RBFOX3: variants seen among roughly 807,000 people sequenced by gnomAD.
RBFOX3 encodes RNA binding fox-1 homolog 3.
Under a neutral mutation model 48.7 loss-of-function variants are expected in RBFOX3, and 17 were observed. The ratio of observed to expected loss-of-function variants is 0.35; its 90% CI spans 0.24 to 0.52. The LOEUF (loss-of-function observed/expected upper bound fraction) is 0.52, where lower values mean the gene tolerates loss of function less well. RBFOX3 is among the 20% of genes least tolerant of loss of function. RBFOX3 has a pLI of 0.94. For missense variants in RBFOX3, 382 were observed against 497.5 expected (o/e 0.77, Z 2.21); for synonymous variants, 212 against 209.5 (o/e 1.01, Z -0.10).
upstream of RBFOX3, among the ~76,000 whole-genome samples, chr17:79,615,351 A>T (rs919551754): frequency 6.6e-6 from 1 of 152,160 alleles, no homozygotes; most frequent in Non-Finnish European, 1.5e-5. Flanking sequence ...AAGGGTGTAA[A>T]GCATGAAAGA....
intron 4 of RBFOX3, among the ~76,000 whole-genome samples, chr17:79,137,444 C>T (rs557205936): frequency 1.6e-4 from 25 of 152,332 alleles, no homozygotes; most frequent in African/African-American, 5.8e-4. Flanking sequence ...TTGAGAATCA[C>T]TGACCCAGAC....
At chr17:79,306,280 G>T (rs2076082401) in intron 3 of RBFOX3, among the ~76,000 whole-genome samples, 1 of 152,262 alleles carries the variant, frequency 6.6e-6, no homozygotes, top group African/African-American at 2.4e-5. Flanking sequence ...GGGGCTGTGA[G>T]ACATCTCCCC....
intron 1 of RBFOX3, among the ~76,000 whole-genome samples, chr17:79,555,400 A>G (rs1283187229): frequency 0.017 from 739 of 44,330 alleles, 2 homozygotes; most frequent in East Asian, 0.13. Context: ...GATGGTGGTG[A>G]TGATGGTAGT....
At chr17:79,631,545 G>A in the RBFOX3 span, among the ~76,000 whole-genome samples, 9 of 152,144 alleles carry the variant, frequency 5.9e-5, no homozygotes, top group Admixed American at 4.6e-4. Flanking sequence ...ATGAGGGACC[G>A]GCCAGGGCTG....
chr17:79,173,890 G>A (rs755931786), intron 4 of RBFOX3, among the ~76,000 whole-genome samples: 10 of 138,978 alleles, frequency 7.2e-5, no homozygotes, highest in Admixed American at 1.4e-4. Context: ...CTTTGCACAC[G>A]CCACGTGCTG....
chr17:79,202,369 C>T lies in RBFOX3; in HGVS notation c.-34+33397G>A, dbSNP rs553181826. ...TATAATAACAGATGACTCTGTTTCC[C>T]CAGCCCCTGAAAGCCCCCTCTGTGC... On this transcript the variant is annotated intron_variant, in intron 4 of 14. Coordinates refer to ENST00000693108, the MANE Select transcript of RBFOX3 (RefSeq NM_001350451.2). 1.2e-4 allele frequency among the ~76,000 whole-genome samples: 19 copies of T among 152,256 alleles called. No individual in the cohort carries two copies. The South Asian group carries it at 3.9e-3, about 32-fold the overall frequency.
chr17:79,245,328 C>T (rs2063006429), intron 3 of RBFOX3, among the ~76,000 whole-genome samples: 1 of 152,098 alleles, frequency 6.6e-6, no homozygotes, highest in African/African-American at 2.4e-5. Flanking sequence ...CCACGGTGGC[C>T]TCACACAATT....
intron 2 of RBFOX3, among the ~76,000 whole-genome samples, chr17:79,431,777 G>A (rs545711227): frequency 5.9e-5 from 9 of 152,290 alleles, no homozygotes; most frequent in East Asian, 3.9e-4. Context: ...GAGCCACAGC[G>A]CCCGGCCCAC....
chr17:79,096,583 G>A (rs2075308244), intron 12 of RBFOX3, 70 bp downstream of exon 12: 1 of 1,356,024 alleles, frequency 7.4e-7, no homozygotes, highest in Non-Finnish European at 1.0e-6. Flanking sequence ...TGAGAGAGGA[G>A]ACGCCGACTT....
chr17:79,276,629 G>GA (rs1419167260), intron 3 of RBFOX3, among the ~76,000 whole-genome samples: 2 of 152,208 alleles, frequency 1.3e-5, no homozygotes, highest in African/African-American at 2.4e-5. Flanking sequence ...AGGTTGCAGT[G>GA]AGCCCAGCTT....
intron 3 of RBFOX3, among the ~76,000 whole-genome samples, chr17:79,307,260 G>A (rs6501298): frequency 0.12 from 18,042 of 152,262 alleles, 2,174 homozygotes; most frequent in African/African-American, 0.31. Context: ...GAGCTCCACC[G>A]GGAGATCTTG....
Position 79,438,804 on chromosome 17 carries a change from C to T in RBFOX3, c.-175+43650G>A, listed in dbSNP as rs534734295. ...TTCCTCTAGAAGGGAGGAGTGCCCC[C>T]GAGCAGGAGCTGAGGGGAGGGATGA... is the stretch of plus-strand genomic sequence containing the variant. On this transcript the variant is annotated intron_variant, in intron 2 of 14. Coordinates refer to ENST00000693108, the MANE Select transcript of RBFOX3 (RefSeq NM_001350451.2). Among the ~76,000 whole-genome samples, 6 of 152,364 alleles carry T rather than the reference C, an allele frequency of 3.9e-5. No individual in the cohort carries two copies. In the East Asian group the frequency reaches 5.8e-4, roughly 15 times the overall value.
In RBFOX3 at chr17:79,418,865, C is replaced by A. The variant is rs1207435148; in HGVS notation, c.-175+63589G>T. 1.1e-4 allele frequency among the ~76,000 whole-genome samples: 17 copies of A among 152,190 alleles called. No individual in the cohort carries two copies. Among genetic ancestry groups the A allele is most frequent in the Admixed American group, 1.0e-3 (16 of 15,286 alleles). Reference sequence around the variant, plus strand: ...AGGTTTGAGGAGATGGCACCCTTGTCTGTGCTAGCTCAGACTGGGTCACCA... The same window carrying A: ...AGGTTTGAGGAGATGGCACCCTTGTATGTGCTAGCTCAGACTGGGTCACCA... On this transcript the variant is annotated intron_variant, in intron 2 of 14. Transcript: ENST00000693108. The surrounding 1 kb of genome is among the most constrained non-coding windows in gnomAD (Gnocchi z 5.0).
chr17:79,523,563 T>G (rs1195798647), intron 1 of RBFOX3, among the ~76,000 whole-genome samples: 5 of 152,140 alleles, frequency 3.3e-5, no homozygotes, highest in Non-Finnish European at 5.9e-5. Context: ...CTATTTTGAG[T>G]TCTGTTGTCC....
intron 3 of RBFOX3, among the ~76,000 whole-genome samples, chr17:79,267,388 T>C (rs1029731443): frequency 6.6e-6 from 1 of 151,616 alleles, no homozygotes; most frequent in African/African-American, 2.4e-5. Context: ...CATGTCACTC[T>C]CTCTCTTTTT....
intron 2 of RBFOX3, among the ~76,000 whole-genome samples, chr17:79,456,674 G>A (rs2074545062): frequency 6.6e-6 from 1 of 150,646 alleles, no homozygotes; most frequent in Non-Finnish European, 1.5e-5. Flanking sequence ...CCAGGCCAGA[G>A]CCCCTCCTGA....
intron 1 of RBFOX3, among the ~76,000 whole-genome samples, chr17:79,502,187 G>T (rs1181934747): frequency 6.6e-6 from 1 of 152,198 alleles, no homozygotes; most frequent in Admixed American, 6.5e-5. Flanking sequence ...AAATGAAAGG[G>T]CTTTGAAAAC....
At chr17:79,502,640 C>T (rs2082534835) in intron 1 of RBFOX3, among the ~76,000 whole-genome samples, 1 of 152,210 alleles carries the variant, frequency 6.6e-6, no homozygotes, top group Admixed American at 6.5e-5. Flanking sequence ...GAACTGGAAC[C>T]CTGCTTGGGC....
At chr17:79,289,558 T>C (rs2072797783) in intron 3 of RBFOX3, among the ~76,000 whole-genome samples, 1 of 152,206 alleles carries the variant, frequency 6.6e-6, no homozygotes, top group African/African-American at 2.4e-5. Flanking sequence ...TCCTTTTGTG[T>C]TGGTGACAGC....
Sources: gnomAD v4.1 joint callset for allele counts (sites outside exome capture counted in the v4.1 genomes callset) on GRCh38, gnomAD v4.1.1 for gene constraint, Gnocchi (gnomAD v3.1) non-coding constraint, MANE v1.5 for transcripts, NCBI Gene and HGNC (gene_info 2026-07-23, HGNC 2026-07-21) for gene names.